Variants in MGAM observed in about 807,000 individuals in gnomAD.
MGAM encodes the protein alpha-1,4-glucosidase.
In MGAM, 253 loss-of-function variants were observed where a neutral mutation model predicts 358.8. That is an observed-to-expected ratio of 0.71 (90% CI 0.64 to 0.78). MGAM has a LOEUF of 0.78. Among genes scored for constraint, MGAM ranks in the 30% least tolerant of loss-of-function variants. The probability of loss-of-function intolerance (pLI) is 0.00; values close to 1 mark genes in which losing one functional copy is unlikely to be tolerated. For synonymous variants in MGAM, 1,105 were observed against 1,227.1 expected, an observed-to-expected ratio of 0.90 and a Z score of 2.08; for missense variants, 3,080 against 3,432.6, an observed-to-expected ratio of 0.90 and a Z score of 2.57.
upstream of MGAM, among the ~76,000 whole-genome samples, chr7:141,993,309 A>G (rs1804025047): frequency 6.6e-6 from 1 of 152,278 alleles, no homozygotes; most frequent in East Asian, 1.9e-4. Context: ...AAAATTGTCC[A>G]ATATATCACA....
chr7:142,016,232 G>A (rs1003314499), intron 3 of MGAM, among the ~76,000 whole-genome samples: 27 of 152,170 alleles, frequency 1.8e-4, no homozygotes, highest in African/African-American at 6.5e-4. Context: ...TGACTCTTAA[G>A]CAGTGTCTTC....
At chr7:141,993,119 G>A (rs1554447685), upstream of MGAM, among the ~76,000 whole-genome samples, 1 of 152,220 alleles carries the variant, frequency 6.6e-6, no homozygotes, top group African/African-American at 2.4e-5. Context: ...TGAAACGACT[G>A]TGATAAGAGA....
chr7:141,997,863 C>T (rs1369126034), intron 1 of MGAM, among the ~76,000 whole-genome samples: 10 of 152,200 alleles, frequency 6.6e-5, no homozygotes, highest in East Asian at 1.9e-4. Context: ...CTACTAATAT[C>T]GCCCAGCATT....
Position 142,096,380 on chromosome 7 carries a change from G to T in MGAM, c.7657G>T (p.Gly2553Cys). ...GGACATAGACAGTCAGTTCCTGCTG[G>T]GCCCAGCCTTCCTGGTCAGCCCTGT... ...TWDIDSQFLLGPAFLVSPVLE... is the reference protein window; with the variant it reads ...TWDIDSQFLLCPAFLVSPVLE... Residue 2553 changes from glycine to cysteine, a missense_variant, in exon 65 of 71, where the codon GGC becomes TGC. Physicochemically the swap from Gly to Cys is radical, Grantham distance 159. Around this residue, in one of 5 missense-constraint regions of MGAM, gnomAD observed 932 missense variants for 1,198.2 expected, o/e 0.78. Coordinates refer to ENST00000475668, the MANE Select transcript of MGAM (RefSeq NM_001365693.1). 6.2e-7 allele frequency: 1 copy of T among 1,613,740 alleles called. No homozygotes were observed. Among genetic ancestry groups the T allele is most frequent in the Non-Finnish European group, 8.5e-7 (1 of 1,179,714 alleles).
chr7:142,045,716 T>A lies in MGAM; in HGVS notation c.2499-2069T>A, dbSNP rs186794848. Among the ~76,000 whole-genome samples the A allele has an allele frequency of 4.0e-3, 310 of 77,764 alleles. 1 individual carries two copies. The highest frequency in any genetic ancestry group is 0.018 in the African/African-American group (292 of 16,108). 51.0% of individuals were successfully genotyped at this position (77,764 alleles called of 152,430 possible). A position where few individuals can be genotyped will look rare whatever the true frequency, so the allele number is the denominator to read the frequency against. ...ATACAATATATGAATATATAATATA[T>A]AATATATACATACAATGTATGAATA... On this transcript the variant is annotated intron_variant, in intron 21 of 70. Coordinates refer to ENST00000475668, the MANE Select transcript of MGAM (RefSeq NM_001365693.1).
chr7:142,018,348 C>T (rs1252265837), intron 3 of MGAM, among the ~76,000 whole-genome samples: 2 of 152,226 alleles, frequency 1.3e-5, no homozygotes, highest in Admixed American at 1.3e-4. Context: ...CACAGTGTGA[C>T]AACTTGCCTC....
intron 57 of MGAM, among the ~76,000 whole-genome samples, chr7:142,091,251 A>G (rs1465975904): frequency 1.2e-5 from 1 of 85,010 alleles, no homozygotes; most frequent in Non-Finnish European, 2.5e-5. Context: ...ACTCTGTCTC[A>G]AAAAAAAAAA....
intron 53 of MGAM, among the ~76,000 whole-genome samples, chr7:142,084,288 C>T (rs1288504141): frequency 6.9e-6 from 1 of 145,916 alleles, no homozygotes; most frequent in Non-Finnish European, 1.6e-5. Flanking sequence ...CCTACAGTGT[C>T]TCTAGGAATG....
chr7:141,989,403 A>G (rs1803846136), intron 2 of MGAM, among the ~76,000 whole-genome samples: 1 of 152,204 alleles, frequency 6.6e-6, no homozygotes, highest in African/African-American at 2.4e-5. Context: ...AAGTAACATC[A>G]TGAAGTACTC....
At position 142,019,288 on chromosome 7, in the gene MGAM, T is replaced by C. The variant is rs2128993656; in HGVS notation, c.417T>C (p.His139=). Reference sequence around the variant, plus strand: ...ACTATTCCAAGAATCATAGCTACCATGTAGAGGGCAACCTTGTCAACACAA... The same window carrying C: ...ACTATTCCAAGAATCATAGCTACCACGTAGAGGGCAACCTTGTCAACACAA... ...WCYYSKNHSY[H]VEGNLVNTNA... Residue 139 remains histidine, a synonymous_variant, in exon 4 of 71, where the codon CAT becomes CAC. Transcript: ENST00000475668. 1.2e-6 allele frequency: 2 copies of C among 1,613,464 alleles called. No homozygotes were observed. The highest frequency in any genetic ancestry group is 1.7e-4 in the Middle Eastern group (1 of 6,060).
In MGAM at chr7:142,044,652, A is replaced by G. The variant is rs187912034; in HGVS notation, c.2499-3133A>G. Reference sequence around the variant, plus strand: ...TATATACACGTGTAATATATGATATATAATGTATATTATATACACGTGTAA... The same window carrying G: ...TATATACACGTGTAATATATGATATGTAATGTATATTATATACACGTGTAA... On this transcript the variant is annotated intron_variant, in intron 21 of 70. Coordinates refer to ENST00000475668, the MANE Select transcript of MGAM (RefSeq NM_001365693.1). 7.5e-3 allele frequency among the ~76,000 whole-genome samples: 607 copies of G among 80,850 alleles called. 25 individuals carry two copies. Among genetic ancestry groups the G allele is most frequent in the Admixed American group, 0.038 (230 of 6,078 alleles). The allele number at this position is 80,850 out of a possible 152,430, so 53.0% of individuals were successfully genotyped here. A position where few individuals can be genotyped will look rare whatever the true frequency, so the allele number is the denominator to read the frequency against.
chr7:142,079,022 A>G lies in MGAM; in HGVS notation c.5847+14A>G, dbSNP rs1813992010. 15 of 1,537,104 alleles carry G rather than the reference A, an allele frequency of 9.8e-6. 2 individuals carry two copies. The highest frequency in any genetic ancestry group is 2.7e-5 in the African/African-American group (2 of 74,452). On this transcript the variant is annotated intron_variant, in intron 49 of 70. Coordinates refer to ENST00000475668, the MANE Select transcript of MGAM (RefSeq NM_001365693.1). ...CTACAGTTCAAGGTAAACACGGTACATATATCAGGCAGTGATAAGACCCTT... is the reference window on the plus strand; with the variant it reads ...CTACAGTTCAAGGTAAACACGGTACGTATATCAGGCAGTGATAAGACCCTT...
upstream of MGAM, among the ~76,000 whole-genome samples, chr7:141,995,211 T>C (rs557738310): frequency 7.3e-5 from 11 of 151,580 alleles, no homozygotes; most frequent in African/African-American, 2.7e-4. Flanking sequence ...CATAGGTTTC[T>C]TGGCCTTTGT....
chr7:142,088,996 G>GTATGTATGTATGTATGTATCTATC (rs771119657), intron 57 of MGAM, among the ~76,000 whole-genome samples: 8 of 118,046 alleles, frequency 6.8e-5, no homozygotes, highest in South Asian at 6.3e-4. Context: ...ATGTATGTAT[G>GTATGTATGTATGTATGTATCTATC]TATCTATCTA....
At position 142,032,369 on chromosome 7, in the gene MGAM, A is replaced by G. The variant is rs181754711; in HGVS notation, c.1585-456A>G. 2.1e-4 allele frequency among the ~76,000 whole-genome samples: 32 copies of G among 152,240 alleles called. No individual in the cohort carries two copies. In the East Asian group the frequency reaches 6.2e-3, roughly 29 times the overall value. ...CAGAGAGTTAAAAAGATAAAAGCAA[A>G]AATCCTCTTAAATTATAGCAACTAA... On this transcript the variant is annotated intron_variant, in intron 13 of 70. Transcript: ENST00000475668.
In MGAM at chr7:142,093,850, G is replaced by C. The variant is rs1815637542; in HGVS notation, c.7172+300G>C. 1.4e-5 allele frequency among the ~76,000 whole-genome samples: 2 copies of C among 145,732 alleles called. 1 individual carries two copies. The highest frequency in any genetic ancestry group is 1.4e-4 in the Admixed American group (2 of 14,494). On this transcript the variant is annotated intron_variant, in intron 60 of 70. Transcript: ENST00000475668. ...ACAGAGGGCAGCCGGTGGTACAACA[G>C]CTTCAGTTACAGGAGGTGAAGGGAA...
At chr7:142,100,037 A>G (rs572741371) in intron 67 of MGAM, among the ~76,000 whole-genome samples, 15 of 152,318 alleles carry the variant, frequency 9.8e-5, no homozygotes, top group African/African-American at 2.9e-4. Flanking sequence ...TAGTTTTAGT[A>G]TACTATTGGG....
rs1403468844 is a variant in MGAM, at chr7:142,032,910, G to C, written c.1669+1G>C. 6.3e-7 allele frequency: 1 copy of C among 1,597,692 alleles called. No homozygotes were observed. Among genetic ancestry groups the C allele is most frequent in the Non-Finnish European group, 8.6e-7 (1 of 1,167,530 alleles). On this transcript the variant is annotated splice_donor_variant, in intron 14 of 70. Coordinates refer to ENST00000475668, the MANE Select transcript of MGAM (RefSeq NM_001365693.1). LOFTEE classifies it high-confidence loss of function. ...CTAAATAATCCCCCATTCACTCCCAGTAAGTCTTGGTGGTCAGCAGATTAA... is the reference window on the plus strand; with the variant it reads ...CTAAATAATCCCCCATTCACTCCCACTAAGTCTTGGTGGTCAGCAGATTAA...
In MGAM at chr7:142,100,858, G is replaced by T; in HGVS notation, c.7931G>T (p.Gly2644Val). Residue 2644 changes from glycine to valine, a missense_variant, in exon 68 of 71, where the codon GGC (glycine) becomes GTC (valine). Physicochemically the swap from Gly to Val is moderately radical, Grantham distance 109. This residue lies in a region of MGAM where 194 missense variants were observed against 172.8 expected (regional missense o/e 1.12). Transcript: ENST00000475668. ...TTGGATGATGAAGGAACTGCTGGGG[G>T]CTGGCTCTTCTGGGATGATGGGCAA... ...IALDDEGTAG[G>V]WLFWDDGQSI... 1.2e-6 allele frequency: 2 copies of T among 1,613,342 alleles called. No homozygotes were observed. The highest frequency in any genetic ancestry group is 2.2e-5 in the South Asian group (2 of 90,806).
Sources: allele counts gnomAD v4.1 joint callset (sites outside exome capture counted in the v4.1 genomes callset), GRCh38; gene constraint gnomAD v4.1.1; regional missense constraint gnomAD v4.1.1; transcripts MANE v1.5; gene names NCBI Gene and HGNC (gene_info 2026-07-23, HGNC 2026-07-21).